PAPLN: variants seen among roughly 807,000 people sequenced by gnomAD.
PAPLN encodes papilin, proteoglycan like sulfated glycoprotein, also known as papilin.
In PAPLN, 146 loss-of-function variants were observed where a neutral mutation model predicts 159.0. The ratio of observed to expected loss-of-function variants is 0.92; its 90% CI spans 0.80 to 1.05. PAPLN has a LOEUF of 1.05. PAPLN is among the 50% of genes least tolerant of loss of function. The pLI is 0.00. For synonymous variants in PAPLN, 734 were observed against 702.9 expected (o/e 1.04, Z -0.70); for missense variants, 1,720 against 1,743.9 (o/e 0.99, Z 0.24).
chr14:73,254,402 G>T, intron 12 of PAPLN, 111 bp from the exon 13 acceptor site: 1 of 1,341,400 alleles, frequency 7.5e-7, no homozygotes, highest in Non-Finnish European at 1.0e-6. Context: ...AAGGACATGG[G>T]CAGTTGGGTG....
chr14:73,272,660 A>G lies in PAPLN; in HGVS notation c.3833A>G (p.Gln1278Arg), dbSNP rs770268650. The G allele has an allele frequency of 8.3e-6, 13 of 1,569,424 alleles. No homozygotes were observed. The highest frequency in any genetic ancestry group is 1.3e-5 in the African/African-American group (1 of 74,232). ...CAGCCTCACGCTCAGCCCATCTGGC[A>G]GTAGGGATGAAGGCTAGTTCCAGCC... ...RFQPHAQPIWQ is the reference protein window; with the variant it reads ...RFQPHAQPIWR Residue 1278 changes from glutamine to arginine, a missense_variant, in exon 27 of 27, where the codon CAG becomes CGG. By Grantham distance (43) the Gln-to-Arg change is conservative. Coordinates refer to ENST00000644200, the MANE Select transcript of PAPLN (RefSeq NM_001365906.3).
At chr14:73,266,247 A>C (rs1048440970) in intron 23 of PAPLN, among the ~76,000 whole-genome samples, 2 of 152,186 alleles carry the variant, frequency 1.3e-5, no homozygotes, top group African/African-American at 4.8e-5. Flanking sequence ...CTGAGGGAGA[A>C]TTGCTTGAAC....
At chr14:73,272,201 A>G (rs1887796794) in intron 26 of PAPLN, 1 of 279,766 alleles carries the variant, frequency 3.6e-6, no homozygotes, top group Non-Finnish European at 6.6e-6. Flanking sequence ...AGAGATGTTT[A>G]ATTATCCAGT....
At chr14:73,248,249 ATGTG>A (rs376447361) in intron 5 of PAPLN, among the ~76,000 whole-genome samples, 19 of 76,902 alleles carry the variant, frequency 2.5e-4, no homozygotes, top group African/African-American at 4.8e-4. Context: ...CATATCCTCT[ATGTG>A]TGTGTGTGTG....
intron 1 of PAPLN, among the ~76,000 whole-genome samples, chr14:73,238,189 G>A (rs1216421340): frequency 6.6e-6 from 1 of 152,230 alleles, no homozygotes; most frequent in Non-Finnish European, 1.5e-5. Flanking sequence ...GGACCCTGTA[G>A]GGGGAGGCTT....
chr14:73,271,738 G>A (rs1887743995), intron 26 of PAPLN, among the ~76,000 whole-genome samples: 1 of 152,150 alleles, frequency 6.6e-6, no homozygotes, highest in Admixed American at 6.5e-5. Flanking sequence ...CTGACCTCGT[G>A]ATCCGCCCGC....
chr14:73,271,101 C>A (rs903833567), intron 26 of PAPLN, among the ~76,000 whole-genome samples: 3 of 152,212 alleles, frequency 2.0e-5, no homozygotes, highest in Non-Finnish European at 4.4e-5. Flanking sequence ...AGTTACCCAG[C>A]TGGCAAGTGG....
At chr14:73,249,853 G>A (rs1243228639) in intron 5 of PAPLN, 131 bp from the exon 6 acceptor site, 14 of 1,026,184 alleles carry the variant, frequency 1.4e-5, no homozygotes, top group Non-Finnish European at 1.9e-5. Context: ...ATGGGGCGGG[G>A]ATCTGTGCTC....
chr14:73,273,938 C>T lies in PAPLN; in HGVS notation c.*1274C>T, dbSNP rs1054423096. 9 of 152,216 alleles carry T rather than the reference C, an allele frequency of 5.9e-5. No homozygotes were observed. The highest frequency in any genetic ancestry group is 2.1e-4 in the South Asian group (1 of 4,830). The allele number at this position is 152,216 out of a possible 1,614,324, so 9.4% of individuals were successfully genotyped here. On this transcript the variant is annotated 3_prime_UTR_variant, in exon 27 of 27. Transcript: ENST00000644200. ...ATGAAAGAACTGGAAACGCTCCTTACGTCGAGATGTTGGACCTTGAAGCCC... is the reference window on the plus strand; with the variant it reads ...ATGAAAGAACTGGAAACGCTCCTTATGTCGAGATGTTGGACCTTGAAGCCC...
intron 19 of PAPLN, 24 bp downstream of exon 19, chr14:73,262,851 A>AG: frequency 6.9e-7 from 1 of 1,442,466 alleles, no homozygotes. Flanking sequence ...TCCCCAGGTG[A>AG]GGGGGTTAGG....
At position 73,245,608 on chromosome 14, in the gene PAPLN, A is replaced by G; in HGVS notation, c.171-28A>G. On this transcript the variant is annotated intron_variant, in intron 3 of 26. Transcript: ENST00000644200. The surrounding 1 kb of genome is among the most constrained non-coding windows in gnomAD (Gnocchi z 4.2). The stretch of plus-strand genomic sequence containing the variant: ...GGGGCAGGGACGTTGGGTCTCGGTC[A>G]GGTCTTCCCGGTGCTCTGGTCCCGC... 1.3e-6 allele frequency: 2 copies of G among 1,550,938 alleles called. No individual in the cohort carries two copies. The highest frequency in any genetic ancestry group is 2.4e-5 in the East Asian group (1 of 41,324).
Position 73,252,695 on chromosome 14 carries a change from C to T in PAPLN, c.1014C>T (p.Tyr338=). The T allele has an allele frequency of 1.9e-6, 3 of 1,613,346 alleles. No individual in the cohort carries two copies. Among genetic ancestry groups the T allele is most frequent in the East Asian group, 4.5e-5 (2 of 44,892 alleles). ...TCTGCACCATCGACCATGAGGCCTA[C>T]CCCGACCACATGTGCCAGCGCCAGC... ...LVFCTIDHEA[Y]PDHMCQRQPR... The change falls in exon 11 of 27, where the codon TAC becomes TAT. Residue 338 remains tyrosine (Y), a synonymous_variant. Coordinates refer to ENST00000644200, the MANE Select transcript of PAPLN (RefSeq NM_001365906.3).
chr14:73,260,616 C>T (rs553478364), intron 16 of PAPLN, 93 bp from the exon 17 acceptor site: 22 of 1,343,916 alleles, frequency 1.6e-5, no homozygotes, highest in Admixed American at 8.6e-5. Context: ...ACCCTGTCAG[C>T]CCCCACCATG....
At position 73,265,551 on chromosome 14, in the gene PAPLN, C is replaced by A. The variant is rs374299676; in HGVS notation, c.3263+44C>A. ...CCCTTCCTCCTATTCTGCCTCCAGC[C>A]CCACCTTATCCTATGGAGGCCACCG... On this transcript the variant is annotated intron_variant, in intron 23 of 26. Transcript: ENST00000644200. This position sits in a 1 kb window ranked among gnomAD's most constrained non-coding sequence, Gnocchi z 4.1. 1 of 1,597,248 alleles carries A rather than the reference C, an allele frequency of 6.3e-7. No individual in the cohort carries two copies. Among genetic ancestry groups the A allele is most frequent in the East Asian group, 2.2e-5 (1 of 44,694 alleles).
Position 73,262,420 on chromosome 14 carries a change from C to A in PAPLN, c.2316C>A (p.Phe772Leu). Residue 772 changes from phenylalanine (F) to leucine (L), a missense_variant, in exon 19 of 27, where the codon TTC becomes TTA. Coordinates refer to ENST00000644200, the MANE Select transcript of PAPLN (RefSeq NM_001365906.3). ...SCADWAARWY[F>L]VASVGQCNRF... ...CAGACTGGGCTGCCCGCTGGTACTT[C>A]GTTGCCTCTGTGGGCCAATGTAACC... 2 of 1,614,030 alleles carry A rather than the reference C, an allele frequency of 1.2e-6. No homozygotes were observed. Among genetic ancestry groups the A allele is most frequent in the Non-Finnish European group, 1.7e-6 (2 of 1,179,960 alleles).
chr14:73,263,756 A>G lies in PAPLN; in HGVS notation c.2835A>G (p.Lys945=). Residue 945 remains lysine (K), a synonymous_variant, in exon 20 of 27, where the codon AAA becomes AAG. Transcript: ENST00000644200. Reference sequence around the variant, plus strand: ...CGGAATCCCAGGCTGCCTGGCAGAAAGATGGCCAGCCCATCTCCTCTGACA... The same window carrying G: ...CGGAATCCCAGGCTGCCTGGCAGAAGGATGGCCAGCCCATCTCCTCTGACA... The part of the protein sequence containing the change: ...TAPESQAAWQ[K]DGQPISSDRH... 1 of 1,606,086 alleles carries G rather than the reference A, an allele frequency of 6.2e-7. No homozygotes were observed. Among genetic ancestry groups the G allele is most frequent in the Non-Finnish European group, 8.5e-7 (1 of 1,179,840 alleles).
At position 73,265,979 on chromosome 14, in the gene PAPLN, C is replaced by T. The variant is rs1191103066; in HGVS notation, c.3263+472C>T. Among the ~76,000 whole-genome samples, 7 of 152,168 alleles carry T rather than the reference C, an allele frequency of 4.6e-5. No homozygotes were observed. On this transcript the variant is annotated intron_variant, in intron 23 of 26. Transcript: ENST00000644200. The surrounding 1 kb of genome is among the most constrained non-coding windows in gnomAD (Gnocchi z 4.1). ...GCCCATTAAATGAGTATAGCAAAAACTAGAAACCCAAACCGAAATTTTGTA... is the reference window on the plus strand; with the variant it reads ...GCCCATTAAATGAGTATAGCAAAAATTAGAAACCCAAACCGAAATTTTGTA...
At position 73,271,700 on chromosome 14, in the gene PAPLN, C is replaced by G. The variant is rs558229925; in HGVS notation, c.3668-795C>G. On this transcript the variant is annotated intron_variant, in intron 26 of 26. Coordinates refer to ENST00000644200, the MANE Select transcript of PAPLN (RefSeq NM_001365906.3). ...CATTTTTAGTAGAGATGGGGTTTCA[C>G]CATATTGGCCAGGCTGGTCTCAAAC... 1.4e-4 allele frequency among the ~76,000 whole-genome samples: 22 copies of G among 152,246 alleles called. No individual in the cohort carries two copies. In the East Asian group the frequency reaches 1.7e-3, roughly 12 times the overall value.
rs774336587 is a variant in PAPLN, at chr14:73,252,138, G to A, written c.964G>A (p.Gly322Arg). ...GAGTGACTGCAGCGCGGAGTGTGGC[G>A]GAGGTGCGGGCGTGGATGGCCCAGG... ...SWSDCSAECG[G>R]GHQSRLVFCT... Residue 322 changes from glycine (G) to arginine (R), a missense_variant, in exon 10 of 27, where the codon GGA becomes AGA. Physicochemically the swap from Gly to Arg is moderately radical, Grantham distance 125 (BLOSUM62 -2). Transcript: ENST00000644200. 1.4e-5 allele frequency: 22 copies of A among 1,600,020 alleles called. No individual in the cohort carries two copies. Among genetic ancestry groups the A allele is most frequent in the Admixed American group, 1.2e-4 (7 of 58,280 alleles).
Sources: gnomAD v4.1 joint callset for allele counts (sites outside exome capture counted in the v4.1 genomes callset) on GRCh38, gnomAD v4.1.1 for gene constraint, Gnocchi (gnomAD v3.1) non-coding constraint, MANE v1.5 for transcripts, NCBI Gene and HGNC (gene_info 2026-07-23, HGNC 2026-07-21) for gene names.